Variants in GPC5 observed in about 807,000 individuals in gnomAD.
The protein encoded by GPC5 is glypican 5.
In GPC5, 47 loss-of-function variants were observed where a neutral mutation model predicts 53.9. The ratio of observed to expected loss-of-function variants is 0.87; its 90% CI spans 0.69 to 1.11. The LOEUF (loss-of-function observed/expected upper bound fraction) is 1.11, where lower values mean the gene tolerates loss of function less well. Among genes scored for constraint, GPC5 ranks in the 50% most tolerant of loss-of-function variants. The pLI, the probability that GPC5 is intolerant of heterozygous loss-of-function variation, is 0.00. For missense variants in GPC5, 748 were observed against 713.1 expected (o/e 1.05, Z -0.56); for synonymous variants, 286 against 263.3 (o/e 1.09, Z -0.84).
chr13:92,161,977 ATATATAT>A (rs1220548571), intron 7 of GPC5, among the ~76,000 whole-genome samples: 1 of 131,758 alleles, frequency 7.6e-6, no homozygotes, highest in African/African-American at 3.1e-5. Context: ...ATATATATAT[ATATATAT>A]ATATATATAT....
intron 7 of GPC5, among the ~76,000 whole-genome samples, chr13:92,530,486 TA>T (rs1466448010): frequency 2.0e-5 from 3 of 152,132 alleles, no homozygotes; most frequent in Admixed American, 6.5e-5. Context: ...GTTTTGTTTT[TA>T]TTTTTTTTTC....
chr13:91,405,844 C>T (rs1324786989), intron 1 of GPC5, among the ~76,000 whole-genome samples: 4 of 152,180 alleles, frequency 2.6e-5, no homozygotes, highest in African/African-American at 4.8e-5. Flanking sequence ...AATTACAGCT[C>T]ACTGCAGCTT....
chr13:91,570,917 C>T (rs1012341178), intron 2 of GPC5, among the ~76,000 whole-genome samples: 5 of 152,128 alleles, frequency 3.3e-5, no homozygotes, highest in Non-Finnish European at 7.4e-5. Context: ...GTACATAACT[C>T]TTTAATTAGT....
intron 7 of GPC5, among the ~76,000 whole-genome samples, chr13:92,522,563 A>T (rs952237339): frequency 6.6e-6 from 1 of 152,148 alleles, no homozygotes; most frequent in Non-Finnish European, 1.5e-5. Context: ...GTGGGAATTG[A>T]ACCATGAGAA....
chr13:92,291,171 C>A (rs537006554), intron 7 of GPC5, among the ~76,000 whole-genome samples: 6 of 152,228 alleles, frequency 3.9e-5, no homozygotes, highest in African/African-American at 7.2e-5. Flanking sequence ...CCCCGAGGAG[C>A]GCCACCCCCT....
chr13:92,861,195 A>G (rs1451080083), intron 7 of GPC5, among the ~76,000 whole-genome samples: 1 of 152,112 alleles, frequency 6.6e-6, no homozygotes, highest in African/African-American at 2.4e-5. Flanking sequence ...TTCCCTACCA[A>G]TTGGCACTTA....
chr13:92,174,436 G>C (rs1297564040), intron 7 of GPC5, among the ~76,000 whole-genome samples: 1 of 151,622 alleles, frequency 6.6e-6, no homozygotes, highest in Non-Finnish European at 1.5e-5. Flanking sequence ...TCGGGAGGCT[G>C]AGGCAGGAGA....
intron 6 of GPC5, among the ~76,000 whole-genome samples, chr13:92,132,688 A>T (rs1310717500): frequency 6.6e-6 from 1 of 152,146 alleles, no homozygotes. Flanking sequence ...GCCCACCCTA[A>T]TGATTCCATT....
intron 6 of GPC5, among the ~76,000 whole-genome samples, chr13:91,993,044 A>G (rs572367740): frequency 1.3e-5 from 2 of 152,314 alleles, no homozygotes; most frequent in East Asian, 1.9e-4. Context: ...TTCTCTTAGT[A>G]AATTTCAAAA....
intron 5 of GPC5, among the ~76,000 whole-genome samples, chr13:91,804,445 T>C (rs1239205039): frequency 1.3e-5 from 2 of 152,212 alleles, no homozygotes; most frequent in Non-Finnish European, 2.9e-5. Flanking sequence ...TTAATCCCAG[T>C]GCTCACCAGC....
At chr13:92,776,520 G>C (rs999736687) in intron 7 of GPC5, among the ~76,000 whole-genome samples, 1 of 152,190 alleles carries the variant, frequency 6.6e-6, no homozygotes, top group Non-Finnish European at 1.5e-5. Flanking sequence ...AGATTCTGGG[G>C]ATAAGGGTGT....
intron 7 of GPC5, among the ~76,000 whole-genome samples, chr13:92,313,669 G>A (rs1349615460): frequency 1.3e-5 from 2 of 152,064 alleles, no homozygotes; most frequent in Non-Finnish European, 2.9e-5. Flanking sequence ...TCAAACTGTT[G>A]GATGAGCCTC....
At chr13:91,514,195 G>A (rs1348800882) in intron 2 of GPC5, among the ~76,000 whole-genome samples, 4 of 152,104 alleles carry the variant, frequency 2.6e-5, no homozygotes, top group African/African-American at 4.8e-5. Context: ...TATAATAATA[G>A]CATGTTTAGT....
chr13:92,440,278 A>G (rs981701588), intron 7 of GPC5, among the ~76,000 whole-genome samples: 1 of 152,114 alleles, frequency 6.6e-6, no homozygotes, highest in Non-Finnish European at 1.5e-5. Flanking sequence ...AGTAGTCTCC[A>G]GTGTCTATGC....
chr13:92,493,308 G>T (rs1187325051), intron 7 of GPC5, among the ~76,000 whole-genome samples: 2 of 152,174 alleles, frequency 1.3e-5, no homozygotes, highest in African/African-American at 4.8e-5. Context: ...GGAGAAATTA[G>T]AAGATATCAC....
At position 91,576,338 on chromosome 13, in the gene GPC5, T is replaced by TA. The variant is rs397694099; in HGVS notation, c.326-116849_326-116848insA. Among the ~76,000 whole-genome samples, 51 of 151,778 alleles carry TA rather than the reference T, an allele frequency of 3.4e-4. 1 individual carries two copies. The highest frequency in any genetic ancestry group is 6.8e-3 in the Middle Eastern group (2 of 292). On this transcript the variant is annotated intron_variant, in intron 2 of 7. Transcript: ENST00000377067. ...CACAATGTGTATATATATATATATA[T>TA]TGAAATCTGTTGTACACCACAAATA...
In GPC5 at chr13:92,023,733, A is replaced by C. The variant is rs537674354; in HGVS notation, c.1401+115676A>C. Among the ~76,000 whole-genome samples the C allele has an allele frequency of 4.0e-5, 6 of 151,244 alleles. No homozygotes were observed. In the East Asian group the frequency reaches 1.2e-3, roughly 30 times the overall value. On this transcript the variant is annotated intron_variant, in intron 6 of 7. Coordinates refer to ENST00000377067, the MANE Select transcript of GPC5 (RefSeq NM_004466.6). ...TTATAAATTTATTTTAGTCAAGTTTATTTATCAATAGAAATATATTTTTGT... is the reference window on the plus strand; with the variant it reads ...TTATAAATTTATTTTAGTCAAGTTTCTTTATCAATAGAAATATATTTTTGT...
chr13:92,271,024 C>G (rs1443730679), intron 7 of GPC5, among the ~76,000 whole-genome samples: 2 of 152,208 alleles, frequency 1.3e-5, no homozygotes, highest in Non-Finnish European at 2.9e-5. Context: ...CATAGAGGCT[C>G]TATGAGGTCT....
chr13:91,555,735 A>G (rs1414718921), intron 2 of GPC5, among the ~76,000 whole-genome samples: 2 of 152,074 alleles, frequency 1.3e-5, no homozygotes, highest in African/African-American at 2.4e-5. Flanking sequence ...CCTCACAATC[A>G]TGACAAAAGG....
Sources: allele counts gnomAD v4.1 joint callset (sites outside exome capture counted in the v4.1 genomes callset), GRCh38; gene constraint gnomAD v4.1.1; transcripts MANE v1.5; gene names NCBI Gene and HGNC (gene_info 2026-07-23, HGNC 2026-07-21).